Variants in GSDMB observed in about 807,000 individuals in gnomAD.
GSDMB encodes the protein gasdermin B.
In GSDMB, 32 loss-of-function variants were observed where a neutral mutation model predicts 42.9. The observed-to-expected ratio is 0.75, with a 90% CI of 0.56 to 1.00. GSDMB has a LOEUF of 1.00. Ranked by LOEUF, GSDMB falls within the 50% of genes least tolerant of loss-of-function variation. GSDMB has a pLI of 0.00. For missense variants in GSDMB, 468 were observed against 498.5 expected (o/e 0.94, Z 0.58); for synonymous variants, 175 against 193.7 (o/e 0.90, Z 0.80).
In GSDMB at chr17:39,906,165, G is replaced by A. The variant is rs1259100593; in HGVS notation, c.834C>T (p.Asn278=). ...LTEEKRKDVL[N]SLAKCLGKED... ...CCTTGCCGAGGCACTTAGCGAGGGAGTTTAGCACATCTTTTCTCTTCTCCT... is the reference window on the plus strand; with the variant it reads ...CCTTGCCGAGGCACTTAGCGAGGGAATTTAGCACATCTTTTCTCTTCTCCT... The change falls in exon 8 of 11, where the codon AAC becomes AAT. Residue 278 remains asparagine, a synonymous_variant. Coordinates refer to ENST00000418519, the MANE Select transcript of GSDMB (RefSeq NM_001165958.2). The A allele has an allele frequency of 5.6e-6, 9 of 1,614,130 alleles. No individual in the cohort carries two copies. Among genetic ancestry groups the A allele is most frequent in the Admixed American group, 1.7e-5 (1 of 60,002 alleles).
intron 3 of GSDMB, among the ~76,000 whole-genome samples, chr17:39,910,543 C>T (rs1172210232): frequency 4.0e-5 from 6 of 151,844 alleles, no homozygotes; most frequent in Non-Finnish European, 8.8e-5. Context: ...GGGATTCAAA[C>T]CCTGGTCAGT....
At chr17:39,910,691 A>G (rs2063591166) in intron 3 of GSDMB, among the ~76,000 whole-genome samples, 1 of 152,184 alleles carries the variant, frequency 6.6e-6, no homozygotes, top group African/African-American at 2.4e-5. Flanking sequence ...CCTTAGGCTC[A>G]TGAAGCATCA....
chr17:39,906,884 G>A, intron 7 of GSDMB, 77 bp downstream of exon 7: 2 of 1,608,406 alleles, frequency 1.2e-6, no homozygotes, highest in Non-Finnish European at 1.7e-6. Flanking sequence ...GACCCCACCT[G>A]AGCAGCAGTC....
chr17:39,914,718 C>T (rs1263005195), intron 2 of GSDMB, among the ~76,000 whole-genome samples: 7 of 147,346 alleles, frequency 4.8e-5, no homozygotes, highest in Admixed American at 2.7e-4. Context: ...GCCGAGATCG[C>T]GCCACTGCTC....
At chr17:39,910,174 G>A (rs1237524084) in intron 3 of GSDMB, among the ~76,000 whole-genome samples, 1 of 152,110 alleles carries the variant, frequency 6.6e-6, no homozygotes, top group Non-Finnish European at 1.5e-5. Flanking sequence ...GGGAGGCTGA[G>A]GTGAGTGGAT....
intron 2 of GSDMB, among the ~76,000 whole-genome samples, chr17:39,916,370 C>T (rs113199579): frequency 2.0e-5 from 3 of 149,432 alleles, no homozygotes; most frequent in African/African-American, 5.0e-5. Flanking sequence ...GCAACCTGCA[C>T]CTCCCGGGTT....
In GSDMB at chr17:39,909,660, G is replaced by A. The variant is rs1270632170; in HGVS notation, c.576+96C>T. On this transcript the variant is annotated intron_variant, in intron 4 of 10. Coordinates refer to ENST00000418519, the MANE Select transcript of GSDMB (RefSeq NM_001165958.2). ...GCCAAGAGCAGCAGGGCTGCTCGGA[G>A]AGGAGTGAAGGAAGAGTCTAAGGCT... 6 of 1,108,682 alleles carry A rather than the reference G, an allele frequency of 5.4e-6. No homozygotes were observed. In the African/African-American group the frequency reaches 9.4e-5, roughly 17 times the overall value. 68.7% of individuals were successfully genotyped at this position (1,108,682 alleles called of 1,614,324 possible).
chr17:39,910,204 A>C (rs1379685627), intron 3 of GSDMB, among the ~76,000 whole-genome samples: 1 of 152,060 alleles, frequency 6.6e-6, no homozygotes, highest in Non-Finnish European at 1.5e-5. Flanking sequence ...CACATCTGTA[A>C]TCCCAGCTAC....
intron 5 of GSDMB, among the ~76,000 whole-genome samples, 172 bp downstream of exon 5, chr17:39,908,786 T>C (rs1478703119): frequency 6.6e-6 from 1 of 152,180 alleles, no homozygotes; most frequent in Non-Finnish European, 1.5e-5. Flanking sequence ...GGTCAGAGCA[T>C]GGAGCCTCAG....
At chr17:39,917,587 G>GCCCC (rs1568107761) in intron 1 of GSDMB, 1 of 102,360 alleles carries the variant, frequency 9.8e-6, no homozygotes, top group African/African-American at 1.5e-4. Context: ...TAGTCTCCCC[G>GCCCC]CCGCCGCCCT....
rs139970728 is a variant in GSDMB, at chr17:39,908,997, G to C, written c.622C>G (p.Arg208Gly). The change falls in exon 5 of 11, where the codon CGA becomes GGA. Residue 208 changes from arginine to glycine, a missense_variant. Arg to Gly is a moderately radical substitution (Grantham distance 125). Coordinates refer to ENST00000418519, the MANE Select transcript of GSDMB (RefSeq NM_001165958.2). The part of the protein sequence containing the change: ...TIPPNRVLSY[R>G]VKQLVFPNKE... ...TTGGGGAAGACAAGCTGCTTTACTC[G>C]ATAGCTCAGGACCCGATTTGGGGGG... 1 of 1,606,512 alleles carries C rather than the reference G, an allele frequency of 6.2e-7. No homozygotes were observed. Among genetic ancestry groups the C allele is most frequent in the Non-Finnish European group, 8.5e-7 (1 of 1,176,640 alleles).
intron 2 of GSDMB, among the ~76,000 whole-genome samples, chr17:39,915,237 G>T (rs2063688605): frequency 6.6e-6 from 1 of 152,252 alleles, no homozygotes; most frequent in Non-Finnish European, 1.5e-5. Context: ...CTCCCAAAGT[G>T]CTGGGATTAC....
rs541386473 is a variant in GSDMB, at chr17:39,915,083, C to T, written c.235+1999G>A. Among the ~76,000 whole-genome samples, 23 of 152,112 alleles carry T rather than the reference C, an allele frequency of 1.5e-4. No homozygotes were observed. The South Asian group carries it at 4.8e-3, about 32-fold the overall frequency. On this transcript the variant is annotated intron_variant, in intron 2 of 10. Transcript: ENST00000418519. ...AACTCCTGGCCTCAAGTGATCCGCC[C>T]GCCTCAGCCTCCCAAAGTGCTGGGA...
At chr17:39,914,993 C>T (rs926143878) in intron 2 of GSDMB, among the ~76,000 whole-genome samples, 5 of 151,712 alleles carry the variant, frequency 3.3e-5, no homozygotes, top group Non-Finnish European at 5.9e-5. Flanking sequence ...TGCGACACCA[C>T]GCCCAGCTAA....
intron 2 of GSDMB, among the ~76,000 whole-genome samples, chr17:39,914,116 G>GACAA (rs1219941734): frequency 2.0e-5 from 3 of 152,158 alleles, no homozygotes; most frequent in African/African-American, 7.2e-5. Context: ...AGAGAAACCT[G>GACAA]ACAAACATTA....
chr17:39,908,930 A>T, intron 5 of GSDMB, 28 bp downstream of exon 5: 2 of 1,391,144 alleles, frequency 1.4e-6, no homozygotes, highest in Non-Finnish European at 2.0e-6. Context: ...AGGGCCCCCC[A>T]TCCTGTTCTC....
chr17:39,909,420 G>T, intron 4 of GSDMB: 1 of 375,942 alleles, frequency 2.7e-6, no homozygotes, highest in Non-Finnish European at 4.8e-6. Context: ...AATGAAGGCT[G>T]GGTGCGTGGC....
chr17:39,905,606 G>C (rs747661791), intron 9 of GSDMB, 110 bp from the exon 10 acceptor site: 39 of 996,580 alleles, frequency 3.9e-5, no homozygotes, highest in Non-Finnish European at 5.6e-5. Flanking sequence ...AGAGCCCCTG[G>C]GAGTGCTAGA....
At position 39,917,170 on chromosome 17, in the gene GSDMB, G is replaced by A. The variant is rs903168013; in HGVS notation, c.147C>T (p.Cys49=). 17 of 1,613,890 alleles carry A rather than the reference G, an allele frequency of 1.1e-5. No individual in the cohort carries two copies. The African/African-American group carries it at 1.9e-4, about 18-fold the overall frequency. The change falls in exon 2 of 11, where the codon TGC becomes TGT. Residue 49 remains cysteine (C), a synonymous_variant. Transcript: ENST00000418519. ...LVGEKRTFFG[C]RHYTTGLTLM... ...GGGTGAGGCCTGTTGTGTAGTGCCGGCATCCAAAGAAAGTTCTCTTCTCCC... is the reference window on the plus strand; with the variant it reads ...GGGTGAGGCCTGTTGTGTAGTGCCGACATCCAAAGAAAGTTCTCTTCTCCC...
Sources: allele counts gnomAD v4.1 joint callset (sites outside exome capture counted in the v4.1 genomes callset), GRCh38; gene constraint gnomAD v4.1.1; transcripts MANE v1.5; gene names NCBI Gene and HGNC (gene_info 2026-07-23, HGNC 2026-07-21).